The following CSTPP1 variants were observed in gnomAD, a reference collection of about 807,000 sequenced individuals.
CSTPP1 encodes the protein UPF0705 protein C11orf49.
chr11:46,983,517 G>GT, the CSTPP1 span, among the ~76,000 whole-genome samples: 1 of 152,340 alleles, frequency 6.6e-6, no homozygotes, highest in Admixed American at 6.5e-5. Flanking sequence ...GGAAAAGCCT[G>GT]TCTTAAATGC....
chr11:47,016,212 G>A, the CSTPP1 span, among the ~76,000 whole-genome samples: 1 of 152,222 alleles, frequency 6.6e-6, no homozygotes, highest in South Asian at 2.1e-4. Flanking sequence ...ACTTAATGGT[G>A]AAAGACAGAA....
At chr11:47,038,718 G>C in the CSTPP1 span, among the ~76,000 whole-genome samples, 8 of 124,596 alleles carry the variant, frequency 6.4e-5, 1 homozygote, top group East Asian at 1.8e-3. Flanking sequence ...GGTGGCTCCC[G>C]GGCAGAGACG....
chr11:47,151,249 T>C, the CSTPP1 span, among the ~76,000 whole-genome samples: 1 of 151,882 alleles, frequency 6.6e-6, no homozygotes, highest in Non-Finnish European at 1.5e-5. Flanking sequence ...CCGTCTCTAC[T>C]AAAATACAAA....
At chr11:47,067,392 A>G in the CSTPP1 span, among the ~76,000 whole-genome samples, 1 of 152,198 alleles carries the variant, frequency 6.6e-6, no homozygotes, top group African/African-American at 2.4e-5. Flanking sequence ...AAAGGCTAGT[A>G]TGACTGAACT....
chr11:47,098,169 C>T, the CSTPP1 span, among the ~76,000 whole-genome samples: 1 of 123,562 alleles, frequency 8.1e-6, no homozygotes, highest in Admixed American at 8.4e-5. Flanking sequence ...ACAAACACTG[C>T]GGAAGGCCGC....
the CSTPP1 span, among the ~76,000 whole-genome samples, chr11:47,027,649 A>T: frequency 2.0e-5 from 3 of 152,246 alleles, no homozygotes; most frequent in Non-Finnish European, 4.4e-5. Context: ...AAGTCCTTAG[A>T]GTGAACTGAT....
chr11:47,148,159 T>C, the CSTPP1 span, among the ~76,000 whole-genome samples: 1 of 152,140 alleles, frequency 6.6e-6, no homozygotes, highest in African/African-American at 2.4e-5. Context: ...TAGCGGCCTT[T>C]TTCCTCCCAC....
the CSTPP1 span, among the ~76,000 whole-genome samples, chr11:47,044,661 A>G: frequency 2.6e-5 from 4 of 152,280 alleles, no homozygotes; most frequent in South Asian, 8.3e-4. Flanking sequence ...AGTGACTCAC[A>G]TCTATAATTC....
At chr11:47,028,870 CTG>C in the CSTPP1 span, among the ~76,000 whole-genome samples, 1 of 151,866 alleles carries the variant, frequency 6.6e-6, no homozygotes, top group Non-Finnish European at 1.5e-5. Context: ...CAAGGTCTGG[CTG>C]TGTCATCCAG....
the CSTPP1 span, among the ~76,000 whole-genome samples, chr11:47,007,008 T>TG: frequency 2.9e-5 from 4 of 138,796 alleles, no homozygotes; most frequent in Non-Finnish European, 1.6e-5. Flanking sequence ...GTGGTTTTTT[T>TG]TTTTTTTTTT....
At chr11:47,163,569 A>C in the CSTPP1 span, among the ~76,000 whole-genome samples, 1 of 152,134 alleles carries the variant, frequency 6.6e-6, no homozygotes, top group Admixed American at 6.5e-5. Context: ...TTTACACACA[A>C]ACACACACCT....
chr11:47,095,600 T>A, the CSTPP1 span, among the ~76,000 whole-genome samples: 1 of 152,206 alleles, frequency 6.6e-6, no homozygotes, highest in Non-Finnish European at 1.5e-5. Context: ...TATTTTCTAT[T>A]TTTGATGTCT....
chr11:46,990,926 A>G, the CSTPP1 span, among the ~76,000 whole-genome samples: 3 of 152,206 alleles, frequency 2.0e-5, no homozygotes, highest in African/African-American at 7.2e-5. Flanking sequence ...CTTGTCAAAG[A>G]TAAGATTGTT....
At chr11:47,023,092 T>A in the CSTPP1 span, among the ~76,000 whole-genome samples, 2 of 152,198 alleles carry the variant, frequency 1.3e-5, no homozygotes, top group Non-Finnish European at 2.9e-5. Flanking sequence ...ATGCTAGTGC[T>A]GCTGTCCTTG....
chr11:46,968,909 A>AT, the CSTPP1 span, among the ~76,000 whole-genome samples: 1 of 152,086 alleles, frequency 6.6e-6, no homozygotes, highest in Admixed American at 6.6e-5. Flanking sequence ...AATAATAATA[A>AT]TAAAAAAAAG....
At chr11:47,049,297 T>C in the CSTPP1 span, among the ~76,000 whole-genome samples, 1 of 151,722 alleles carries the variant, frequency 6.6e-6, no homozygotes, top group African/African-American at 2.4e-5. Context: ...CATTGTCTTG[T>C]TTTGGAGAGT....
chr11:46,946,172 A>G, the CSTPP1 span, among the ~76,000 whole-genome samples: 5 of 152,204 alleles, frequency 3.3e-5, no homozygotes, highest in African/African-American at 7.2e-5. Context: ...GAGTGATGTC[A>G]GTGTTATTCT....
At chr11:47,006,588 C>A in the CSTPP1 span, among the ~76,000 whole-genome samples, 2 of 150,188 alleles carry the variant, frequency 1.3e-5, no homozygotes, top group African/African-American at 2.5e-5. Context: ...CTGTCTCTGT[C>A]TCTTTTTTTT....
the CSTPP1 span, among the ~76,000 whole-genome samples, chr11:47,080,541 G>A: frequency 6.6e-6 from 1 of 152,004 alleles, no homozygotes; most frequent in Non-Finnish European, 1.5e-5. Context: ...GTATTAGGCA[G>A]GAAAAAGAAA....
Sources: allele counts gnomAD v4.1 joint callset (sites outside exome capture counted in the v4.1 genomes callset), GRCh38; gene constraint gnomAD v4.1.1; transcripts MANE v1.5; gene names NCBI Gene and HGNC (gene_info 2026-07-23, HGNC 2026-07-21).